SYNRG: variants seen among roughly 807,000 people sequenced by gnomAD.
The protein encoded by SYNRG is AP1 gamma subunit binding protein 1.
A neutral mutation model predicts 130.9 loss-of-function variants in SYNRG; 37 were observed. That is an observed-to-expected ratio of 0.28 (90% CI 0.22 to 0.37). The LOEUF (loss-of-function observed/expected upper bound fraction) is 0.37. Among genes scored for constraint, SYNRG ranks in the 10% least tolerant of loss-of-function variants. The pLI is 1.00. For synonymous variants in SYNRG, 539 were observed against 568.1 expected, an observed-to-expected ratio of 0.95 and a Z score of 0.73; for missense variants, 1,338 against 1,588.9, an observed-to-expected ratio of 0.84 and a Z score of 2.68.
At position 37,584,766 on chromosome 17, in the gene SYNRG, G is replaced by A; in HGVS notation, c.478-7C>T. 6.3e-7 allele frequency: 1 copy of A among 1,599,384 alleles called. No homozygotes were observed. The highest frequency in any genetic ancestry group is 8.6e-7 in the Non-Finnish European group (1 of 1,167,594). ...CTCTACTCTTCTCTCCTGTCTAAGAGACAACAAATATATGCGTATTTCTTT... is the reference window on the plus strand; with the variant it reads ...CTCTACTCTTCTCTCCTGTCTAAGAAACAACAAATATATGCGTATTTCTTT... On this transcript the variant is annotated splice_region_variant and splice_polypyrimidine_tract_variant and intron_variant, in intron 5 of 21. Coordinates refer to ENST00000612223, the MANE Select transcript of SYNRG (RefSeq NM_007247.6).
intron 21 of SYNRG, 29 bp downstream of exon 21, chr17:37,520,150 C>T (rs749453476): frequency 8.4e-5 from 136 of 1,613,678 alleles, no homozygotes; most frequent in Non-Finnish European, 1.1e-4. Context: ...AAAATGGAGA[C>T]GCTAAGATAA....
At position 37,520,643 on chromosome 17, in the gene SYNRG, A is replaced by T; in HGVS notation, c.3672T>A (p.Asp1224Glu). 6.2e-7 allele frequency: 1 copy of T among 1,614,168 alleles called. No individual in the cohort carries two copies. Among genetic ancestry groups the T allele is most frequent in the Non-Finnish European group, 8.5e-7 (1 of 1,179,992 alleles). The change falls in exon 20 of 22, where the codon GAT becomes GAA. Residue 1224 changes from aspartate (D) to glutamate (E), a missense_variant. Physicochemically the swap from Asp to Glu is conservative, Grantham distance 45. Coordinates refer to ENST00000612223, the MANE Select transcript of SYNRG (RefSeq NM_007247.6). Reference sequence around the variant, plus strand: ...AGGAGGAAAAATCCAGCGAGTTTTCATCTGGCTGTGAGGACGACAAGACAA... The same window carrying T: ...AGGAGGAAAAATCCAGCGAGTTTTCTTCTGGCTGTGAGGACGACAAGACAA... ...GFMSLATLTPDENSLDFSSCM... is the reference protein window; with the variant it reads ...GFMSLATLTPEENSLDFSSCM...
At chr17:37,577,654 T>A (rs778675793) in intron 6 of SYNRG, 41 bp from the exon 7 acceptor site, 1 of 1,514,200 alleles carries the variant, frequency 6.6e-7, no homozygotes, top group South Asian at 1.1e-5. Context: ...TATAACTGTA[T>A]ATGTCTAATC....
chr17:37,581,919 C>T (rs537975048), intron 6 of SYNRG, among the ~76,000 whole-genome samples: 1 of 152,162 alleles, frequency 6.6e-6, no homozygotes, highest in South Asian at 2.1e-4. Context: ...CATGCGCCAC[C>T]ACACCTGGCT....
chr17:37,553,658 C>G lies in SYNRG; in HGVS notation c.2065G>C (p.Asp689His), dbSNP rs768140905. Reference protein sequence around the residue: ...YSGLAPVGEQDDFADFMAFSN... With the variant: ...YSGLAPVGEQHDFADFMAFSN... The stretch of plus-strand genomic sequence containing the variant: ...AAAGCCATAAAATCTGCAAAGTCAT[C>G]CTGCTCCCCAACAGGTGCTAGACCA... Residue 689 changes from aspartate (D) to histidine (H), a missense_variant, in exon 14 of 22, where the codon GAT (aspartate) becomes CAT (histidine). By Grantham distance (81) the Asp-to-His change is moderately conservative (BLOSUM62 -1). Coordinates refer to ENST00000612223, the MANE Select transcript of SYNRG (RefSeq NM_007247.6). 6.2e-7 allele frequency: 1 copy of G among 1,613,990 alleles called. No homozygotes were observed. The highest frequency in any genetic ancestry group is 8.5e-7 in the Non-Finnish European group (1 of 1,180,002).
At chr17:37,522,134 T>TACACCCACACACACACACACAC (rs2055152573) in intron 19 of SYNRG, among the ~76,000 whole-genome samples, 1 of 145,036 alleles carries the variant, frequency 6.9e-6, no homozygotes, top group Non-Finnish European at 1.5e-5. Flanking sequence ...TCTAATTCAC[T>TACACCCACACACACACACACAC]ACACACACAC....
chr17:37,540,801 A>G, intron 15 of SYNRG: 1 of 769,124 alleles, frequency 1.3e-6, no homozygotes, highest in Non-Finnish European at 1.7e-6. Flanking sequence ...TGCCTGGCTA[A>G]TTTTTGTATT....
At chr17:37,571,324 G>GT (rs1483627215) in intron 9 of SYNRG, among the ~76,000 whole-genome samples, 1 of 152,218 alleles carries the variant, frequency 6.6e-6, no homozygotes, top group Non-Finnish European at 1.5e-5. Context: ...GCTCATGCCT[G>GT]TAATCCCAGC....
rs539413544 is a variant in SYNRG, at chr17:37,568,615, T to A, written c.1481+176A>T. On this transcript the variant is annotated intron_variant, in intron 11 of 21. Coordinates refer to ENST00000612223, the MANE Select transcript of SYNRG (RefSeq NM_007247.6). ...AAACAGTAGGAGCTGAAGTTTAAGA[T>A]GGACAAAGGGGAGAGAAGTTTGAAA... The A allele has an allele frequency of 7.6e-4, 475 of 622,412 alleles. 8 individuals are homozygous for A. In the South Asian group the frequency reaches 0.013, roughly 17 times the overall value. The allele number at this position is 622,412 out of a possible 1,614,324, so 38.6% of individuals were successfully genotyped here. A position where few individuals can be genotyped will look rare whatever the true frequency, so the allele number is the denominator to read the frequency against.
chr17:37,577,633 G>T lies in SYNRG; in HGVS notation c.590-20C>A, dbSNP rs763183535. The T allele has an allele frequency of 2.7e-5, 43 of 1,580,248 alleles. No homozygotes were observed. Among genetic ancestry groups the T allele is most frequent in the Admixed American group, 5.0e-5 (3 of 59,664 alleles). On this transcript the variant is annotated intron_variant, in intron 6 of 21. Transcript: ENST00000612223. ...AAGGGCCTAAACAAAGAGCATGAAG[G>T]ATTATTTGTATATAACTGTATATGT...
intron 13 of SYNRG, among the ~76,000 whole-genome samples, chr17:37,555,731 C>T (rs989238909): frequency 1.3e-5 from 2 of 152,034 alleles, no homozygotes; most frequent in Admixed American, 6.5e-5. Flanking sequence ...TGGAGAAATC[C>T]CATCTCTACT....
At chr17:37,544,446 T>C (rs1041991040) in intron 14 of SYNRG, among the ~76,000 whole-genome samples, 10 of 151,908 alleles carry the variant, frequency 6.6e-5, no homozygotes, top group African/African-American at 2.4e-4. Context: ...TCTCGATTAG[T>C]TGGGATTACA....
chr17:37,551,875 CAA>C (rs11401626), intron 14 of SYNRG, among the ~76,000 whole-genome samples: 22 of 85,994 alleles, frequency 2.6e-4, no homozygotes, highest in South Asian at 4.0e-4. Context: ...AGGAAAAGTA[CAA>C]AAAAAAAAAA....
At chr17:37,527,286 C>T (rs2056051157) in intron 19 of SYNRG, among the ~76,000 whole-genome samples, 1 of 152,124 alleles carries the variant, frequency 6.6e-6, no homozygotes, top group South Asian at 2.1e-4. Flanking sequence ...TGTTCCAAAC[C>T]TACTGAACTT....
At chr17:37,574,339 G>T (rs1451812926) in intron 8 of SYNRG, among the ~76,000 whole-genome samples, 1 of 152,158 alleles carries the variant, frequency 6.6e-6, no homozygotes, top group Non-Finnish European at 1.5e-5. Context: ...CAGGACATTC[G>T]TCTGGGCAAA....
intron 19 of SYNRG, among the ~76,000 whole-genome samples, chr17:37,532,939 A>G (rs2056788410): frequency 6.6e-6 from 1 of 152,204 alleles, no homozygotes; most frequent in Non-Finnish European, 1.5e-5. Context: ...ACTTCCACTC[A>G]TACTTTGGAG....
chr17:37,545,011 G>A (rs1015571479), intron 14 of SYNRG, among the ~76,000 whole-genome samples: 2 of 151,916 alleles, frequency 1.3e-5, no homozygotes, highest in African/African-American at 4.8e-5. Flanking sequence ...CCAGAGTTTA[G>A]GAGTTCGAGA....
chr17:37,552,038 T>G (rs1183980178), intron 14 of SYNRG, among the ~76,000 whole-genome samples: 1 of 152,210 alleles, frequency 6.6e-6, no homozygotes, highest in Non-Finnish European at 1.5e-5. Context: ...ACCTACAACA[T>G]TTCCATAACC....
At chr17:37,531,573 T>C (rs548224300) in intron 19 of SYNRG, among the ~76,000 whole-genome samples, 2 of 152,112 alleles carry the variant, frequency 1.3e-5, no homozygotes, top group South Asian at 4.2e-4. Context: ...CCCACGGAGT[T>C]TGAGACCAGC....
Sources: allele counts gnomAD v4.1 joint callset (sites outside exome capture counted in the v4.1 genomes callset), GRCh38; gene constraint gnomAD v4.1.1; transcripts MANE v1.5; gene names NCBI Gene and HGNC (gene_info 2026-07-23, HGNC 2026-07-21).